The following CEP164 variants were observed in gnomAD, a reference collection of about 807,000 sequenced individuals.
The protein encoded by CEP164 is centrosomal protein 164.
In CEP164, 162 loss-of-function variants were observed where a neutral mutation model predicts 182.7. The ratio of observed to expected loss-of-function variants is 0.89; its 90% CI spans 0.78 to 1.01. CEP164 has a LOEUF of 1.01. Ranked by LOEUF, CEP164 falls within the 50% of genes least tolerant of loss-of-function variation. The pLI is 0.00. For missense variants in CEP164, 1,735 were observed against 1,790.4 expected, an observed-to-expected ratio of 0.97 and a Z score of 0.56; for synonymous variants, 661 against 690.0, an observed-to-expected ratio of 0.96 and a Z score of 0.66.
intron 1 of CEP164, among the ~76,000 whole-genome samples, chr11:117,329,523 C>T (rs2035856697): frequency 6.6e-6 from 1 of 151,990 alleles, no homozygotes; most frequent in African/African-American, 2.4e-5. Context: ...TTAGCTGTGA[C>T]ACCTTGGGCA....
chr11:117,338,700 TTG>T (rs767928838), intron 3 of CEP164, 32 bp downstream of exon 3: 1 of 1,528,208 alleles, frequency 6.5e-7, no homozygotes, highest in African/African-American at 1.4e-5. Context: ...CTGTGGTGTA[TTG>T]TGTTTGTTTT....
intron 3 of CEP164, among the ~76,000 whole-genome samples, chr11:117,342,508 C>T (rs896204117): frequency 7.2e-5 from 11 of 151,902 alleles, no homozygotes; most frequent in African/African-American, 2.4e-4. Context: ...CAGGATTTCA[C>T]TCTTGTTGCC....
At chr11:117,329,832 G>A (rs899686210) in intron 1 of CEP164, among the ~76,000 whole-genome samples, 11 of 136,664 alleles carry the variant, frequency 8.0e-5, no homozygotes, top group Non-Finnish European at 1.5e-4. Context: ...GAGCCACTGC[G>A]CCTGGCCTTT....
chr11:117,338,695 G>A (rs762827688), intron 3 of CEP164, 27 bp downstream of exon 3: 4 of 1,544,122 alleles, frequency 2.6e-6, no homozygotes, highest in East Asian at 2.2e-5. Flanking sequence ...GAGGCCTGTG[G>A]TGTATTGTGT....
At position 117,332,346 on chromosome 11, in the gene CEP164, G is replaced by A. The variant is rs555853101; in HGVS notation, c.-97-3259G>A. Reference sequence around the variant, plus strand: ...TCCCAGCACTTTGGGAGGCCGAGGCGGGTGGATCACCTGAGGATAGGAGGT... The same window carrying A: ...TCCCAGCACTTTGGGAGGCCGAGGCAGGTGGATCACCTGAGGATAGGAGGT... On this transcript the variant is annotated intron_variant, in intron 1 of 32. Coordinates refer to ENST00000278935, the MANE Select transcript of CEP164 (RefSeq NM_014956.5). 1.8e-4 allele frequency among the ~76,000 whole-genome samples: 28 copies of A among 152,166 alleles called. 1 individual carries two copies. The highest frequency in any genetic ancestry group is 5.3e-4 in the African/African-American group (22 of 41,528).
intron 14 of CEP164, 83 bp from the exon 15 acceptor site, chr11:117,387,120 A>T (rs927096904): frequency 8.2e-7 from 1 of 1,225,120 alleles, no homozygotes; most frequent in Non-Finnish European, 1.2e-6. Context: ...TCCATCTGTG[A>T]TGTTCCGTAT....
At position 117,387,260 on chromosome 11, in the gene CEP164, C is replaced by T. The variant is rs2044076164; in HGVS notation, c.1782C>T (p.Ala594=). 1 of 1,614,220 alleles carries T rather than the reference C, an allele frequency of 6.2e-7. No homozygotes were observed. Among genetic ancestry groups the T allele is most frequent in the Non-Finnish European group, 8.5e-7 (1 of 1,180,034 alleles). The part of the protein sequence containing the change: ...PEQLSEAALK[A]MEEAVAQVLE... ...AGCTCTCAGAGGCTGCACTAAAGGC[C>T]ATGGAAGAGGCAGTGGCCCAAGTAC... Residue 594 remains alanine (A), a synonymous_variant, in exon 15 of 33, where the codon GCC becomes GCT. Coordinates refer to ENST00000278935, the MANE Select transcript of CEP164 (RefSeq NM_014956.5).
chr11:117,330,691 G>A (rs761045373), intron 1 of CEP164, among the ~76,000 whole-genome samples: 5 of 152,114 alleles, frequency 3.3e-5, no homozygotes, highest in Non-Finnish European at 7.4e-5. Context: ...ATGTCTGAAT[G>A]GCCTTAACTT....
intron 4 of CEP164, among the ~76,000 whole-genome samples, chr11:117,345,367 CT>C (rs1175971719): frequency 6.6e-6 from 1 of 152,200 alleles, no homozygotes; most frequent in Admixed American, 6.5e-5. Context: ...CTACTCTGTC[CT>C]CCTGTCTTGC....
intron 27 of CEP164, among the ~76,000 whole-genome samples, chr11:117,407,117 G>T (rs556790645): frequency 1.6e-4 from 25 of 152,158 alleles, no homozygotes; most frequent in Non-Finnish European, 3.7e-4. Context: ...AAAAGAAATG[G>T]TGTTTCTGAT....
chr11:117,374,766 A>T (rs1375728046), intron 10 of CEP164, among the ~76,000 whole-genome samples: 1 of 152,246 alleles, frequency 6.6e-6, no homozygotes, highest in Non-Finnish European at 1.5e-5. Flanking sequence ...ATGTGGAGAA[A>T]CGTGCCCATC....
At chr11:117,348,119 G>A (rs981167817) in intron 4 of CEP164, among the ~76,000 whole-genome samples, 1 of 152,006 alleles carries the variant, frequency 6.6e-6, no homozygotes, top group Non-Finnish European at 1.5e-5. Flanking sequence ...ACAGGTGTAT[G>A]TCACCATGCC....
rs773926563 is a variant in CEP164 at position 117,381,686 on chromosome 11, G to T, written c.1410-15G>T. ...TGGAGGGGCCTGACTCTGCTGCTCT[G>T]CCCGGCCTGACCAGGTTATCTCCTC... On this transcript the variant is annotated splice_polypyrimidine_tract_variant and intron_variant, in intron 12 of 32. Coordinates refer to ENST00000278935, the MANE Select transcript of CEP164 (RefSeq NM_014956.5). 6.2e-7 allele frequency: 1 copy of T among 1,602,238 alleles called. No individual in the cohort carries two copies. Among genetic ancestry groups the T allele is most frequent in the South Asian group, 1.1e-5 (1 of 88,754 alleles).
intron 4 of CEP164, among the ~76,000 whole-genome samples, 166 bp downstream of exon 4, chr11:117,344,443 T>C (rs984972067): frequency 6.6e-6 from 1 of 152,160 alleles, no homozygotes; most frequent in Non-Finnish European, 1.5e-5. Context: ...CAGGCTTCAG[T>C]GTAGGCTGAC....
At position 117,397,176 on chromosome 11, in the gene CEP164, C is replaced by A; in HGVS notation, c.3364C>A (p.Arg1122Ser). 4 of 1,614,148 alleles carry A rather than the reference C, an allele frequency of 2.5e-6. No individual in the cohort carries two copies. Among genetic ancestry groups the A allele is most frequent in the South Asian group, 2.2e-5 (2 of 91,082 alleles). ...CAAGGAGTTCCTTGTGCAGCAGACA[C>A]GCTCCATGCGGAGGCGGCAGACAGC... ...SAKEFLVQQT[R>S]SMRRRQTALK... The change falls in exon 27 of 33, where the codon CGC becomes AGC. Residue 1122 changes from arginine (R) to serine (S), a missense_variant. Arg to Ser is a moderately radical substitution (Grantham distance 110, BLOSUM62 -1). Coordinates refer to ENST00000278935, the MANE Select transcript of CEP164 (RefSeq NM_014956.5).
chr11:117,373,262 G>C (rs2135959784), intron 9 of CEP164, among the ~76,000 whole-genome samples: 1 of 152,162 alleles, frequency 6.6e-6, no homozygotes, highest in South Asian at 2.1e-4. Flanking sequence ...AGCTACTCGG[G>C]AGGCTGAGGC....
upstream of CEP164, among the ~76,000 whole-genome samples, chr11:117,326,141 C>T (rs1237473733): frequency 6.6e-6 from 1 of 152,070 alleles, no homozygotes; most frequent in Non-Finnish European, 1.5e-5. Flanking sequence ...TAACTCCTGA[C>T]CTCAGGTGAT....
chr11:117,409,350 G>T lies in CEP164; in HGVS notation c.3749-268G>T, dbSNP rs981843769. 1.7e-6 allele frequency: 1 copy of T among 571,550 alleles called. No homozygotes were observed. The highest frequency in any genetic ancestry group is 2.4e-5 in the South Asian group (1 of 41,588). 35.4% of individuals were successfully genotyped at this position (571,550 alleles called of 1,614,324 possible). A position where few individuals can be genotyped will look rare whatever the true frequency, so the allele number is the denominator to read the frequency against. The stretch of plus-strand genomic sequence containing the variant: ...CTGCCCTGGCCTGTATGTGACAGAA[G>T]GGCCCTCTCCCCTTCCTTCTCTCTG... On this transcript the variant is annotated intron_variant, in intron 29 of 32. Coordinates refer to ENST00000278935, the MANE Select transcript of CEP164 (RefSeq NM_014956.5). This position sits in a 1 kb window ranked among gnomAD's most constrained non-coding sequence, Gnocchi z 4.4.
At chr11:117,356,824 C>G (rs545853159) in intron 5 of CEP164, among the ~76,000 whole-genome samples, 3 of 152,306 alleles carry the variant, frequency 2.0e-5, no homozygotes, top group East Asian at 3.9e-4. Context: ...CAAGATAGGG[C>G]TGAGGGTATC....
Sources: allele counts gnomAD v4.1 joint callset (sites outside exome capture counted in the v4.1 genomes callset), GRCh38; gene constraint gnomAD v4.1.1; non-coding constraint Gnocchi (gnomAD v3.1); transcripts MANE v1.5; gene names NCBI Gene and HGNC (gene_info 2026-07-23, HGNC 2026-07-21).